GPC5: variants seen among roughly 807,000 people sequenced by gnomAD.
The protein encoded by GPC5 is glypican-5.
Under a neutral mutation model 53.9 loss-of-function variants are expected in GPC5, and 47 were observed. The observed-to-expected ratio is 0.87, with a 90% CI of 0.69 to 1.11. GPC5 has a LOEUF of 1.11. Ranked by LOEUF, GPC5 falls within the 50% of genes most tolerant of loss-of-function variation. The pLI, the probability that GPC5 is intolerant of heterozygous loss-of-function variation, is 0.00. For synonymous variants in GPC5, 286 were observed against 263.3 expected (o/e 1.09, Z -0.84); for missense variants, 748 against 713.1 (o/e 1.05, Z -0.56).
chr13:92,349,780 T>A (rs992059172), intron 7 of GPC5, among the ~76,000 whole-genome samples: 8 of 152,152 alleles, frequency 5.3e-5, no homozygotes, highest in African/African-American at 1.9e-4. Context: ...ACCCAAGACC[T>A]GATGGCTTAT....
chr13:92,500,178 T>A lies in GPC5; in HGVS notation c.1561+355189T>A, dbSNP rs115765706. On this transcript the variant is annotated intron_variant, in intron 7 of 7. Coordinates refer to ENST00000377067, the MANE Select transcript of GPC5 (RefSeq NM_004466.6). ...GCTTGAGAACTGAGAAAATGGTTTG[T>A]TGGAAGCTGTAGGGGTCCGTCCCAC... Among the ~76,000 whole-genome samples the A allele has an allele frequency of 2.9e-3, 444 of 152,226 alleles. 1 individual carries two copies. The highest frequency in any genetic ancestry group is 0.01 in the African/African-American group (431 of 41,554).
chr13:91,925,550 T>C (rs1248573227), intron 6 of GPC5, among the ~76,000 whole-genome samples: 1 of 152,198 alleles, frequency 6.6e-6, no homozygotes, highest in Admixed American at 6.5e-5. Context: ...AGTGAATGTT[T>C]TCTAGAAACA....
At chr13:91,800,518 T>C (rs2038117416) in intron 5 of GPC5, among the ~76,000 whole-genome samples, 1 of 152,140 alleles carries the variant, frequency 6.6e-6, no homozygotes, top group Admixed American at 6.6e-5. Flanking sequence ...TACCCTTCTT[T>C]ATTAACTCAC....
intron 7 of GPC5, among the ~76,000 whole-genome samples, chr13:92,337,085 A>G (rs2043329180): frequency 6.6e-6 from 1 of 152,042 alleles, no homozygotes; most frequent in South Asian, 2.1e-4. Context: ...CCAATTCAAG[A>G]TGAGATTTGG....
chr13:91,934,958 C>G (rs2039856087), intron 6 of GPC5, among the ~76,000 whole-genome samples: 2 of 151,838 alleles, frequency 1.3e-5, no homozygotes, highest in African/African-American at 4.8e-5. Context: ...TGCTCTTTAT[C>G]CAAAATAAAA....
chr13:91,767,232 A>G (rs1471776111), intron 5 of GPC5, among the ~76,000 whole-genome samples: 3 of 152,168 alleles, frequency 2.0e-5, no homozygotes, highest in African/African-American at 7.2e-5. Context: ...TTAAATGGTT[A>G]TTTTGTTGGA....
At chr13:91,639,996 A>C (rs1315747751) in intron 2 of GPC5, among the ~76,000 whole-genome samples, 3 of 152,040 alleles carry the variant, frequency 2.0e-5, no homozygotes, top group Non-Finnish European at 4.4e-5. Flanking sequence ...CTGTGTTGCT[A>C]TATTTTGGTT....
intron 5 of GPC5, among the ~76,000 whole-genome samples, chr13:91,787,222 T>G (rs2037894220): frequency 6.6e-6 from 1 of 152,176 alleles, no homozygotes; most frequent in African/African-American, 2.4e-5. Flanking sequence ...GTTTAGAACA[T>G]CAGATAAATG....
rs1036922465 is a variant in GPC5 at position 91,830,983 on chromosome 13, A to ATT, written c.1280+74564_1280+74565dup. On this transcript the variant is annotated intron_variant, in intron 5 of 7. Coordinates refer to ENST00000377067, the MANE Select transcript of GPC5 (RefSeq NM_004466.6). ...TATCCTATTATATATTATATATCCT[A>ATT]TTATATATATAATATATATATCCTA... Among the ~76,000 whole-genome samples, 31 of 136,034 alleles carry ATT rather than the reference A, an allele frequency of 2.3e-4. 1 individual carries two copies. The Middle Eastern group carries it at 0.022, about 98-fold the overall frequency. The allele number at this position is 136,034 out of a possible 152,430, so 89.2% of individuals were successfully genotyped here. A position where few individuals can be genotyped will look rare whatever the true frequency, so the allele number is the denominator to read the frequency against.
chr13:91,904,351 A>T (rs189884046), intron 5 of GPC5, among the ~76,000 whole-genome samples: 7 of 151,578 alleles, frequency 4.6e-5, no homozygotes, highest in Non-Finnish European at 1.0e-4. Context: ...GTTGAGGAGG[A>T]TTTTGAAGAA....
chr13:91,550,308 A>G (rs1439050759), intron 2 of GPC5, among the ~76,000 whole-genome samples: 1 of 152,112 alleles, frequency 6.6e-6, no homozygotes, highest in Non-Finnish European at 1.5e-5. Context: ...GTATGATACT[A>G]TAATGATGAA....
intron 3 of GPC5, among the ~76,000 whole-genome samples, chr13:91,717,687 G>T (rs1429612739): frequency 1.3e-5 from 2 of 152,084 alleles, no homozygotes; most frequent in Admixed American, 6.5e-5. Context: ...CTCCCGAGTA[G>T]CTGGGACTAC....
At chr13:91,448,966 T>C (rs369729767) in intron 2 of GPC5, 44 bp downstream of exon 2, 7 of 1,590,242 alleles carry the variant, frequency 4.4e-6, no homozygotes, top group African/African-American at 1.4e-5. Context: ...GGCCGTGTTA[T>C]GTAATTTGCC....
intron 6 of GPC5, among the ~76,000 whole-genome samples, chr13:92,115,022 A>AT (rs1278574310): frequency 6.6e-6 from 1 of 152,224 alleles, no homozygotes; most frequent in Admixed American, 6.5e-5. Flanking sequence ...AAGTATATAT[A>AT]TTTTCCACAG....
chr13:92,370,522 A>C (rs990223690), intron 7 of GPC5, among the ~76,000 whole-genome samples: 1 of 107,550 alleles, frequency 9.3e-6, no homozygotes, highest in Non-Finnish European at 2.0e-5. Context: ...CAAAGATACA[A>C]AGAAACAGAA....
chr13:91,518,001 G>T (rs116016043), intron 2 of GPC5, among the ~76,000 whole-genome samples: 9 of 152,086 alleles, frequency 5.9e-5, no homozygotes, highest in Non-Finnish European at 1.2e-4. Context: ...TTGAGATTTC[G>T]GCGAAGACAC....
intron 7 of GPC5, among the ~76,000 whole-genome samples, chr13:92,842,655 G>GT (rs11331842): frequency 0.1 from 14,261 of 140,542 alleles, 918 homozygotes; most frequent in East Asian, 0.28. Flanking sequence ...ATACATAATT[G>GT]TTTTTTTTTT....
chr13:91,463,542 C>T (rs1882060917), intron 2 of GPC5, among the ~76,000 whole-genome samples: 1 of 152,050 alleles, frequency 6.6e-6, no homozygotes, highest in African/African-American at 2.4e-5. Flanking sequence ...ATCACTTTAC[C>T]TAATAATAAG....
intron 7 of GPC5, among the ~76,000 whole-genome samples, chr13:92,480,213 G>A (rs536872195): frequency 6.6e-6 from 1 of 152,162 alleles, no homozygotes; most frequent in Non-Finnish European, 1.5e-5. Flanking sequence ...AACAGTAGCT[G>A]ACTAACATCA....
Sources: allele counts gnomAD v4.1 joint callset (sites outside exome capture counted in the v4.1 genomes callset), GRCh38; gene constraint gnomAD v4.1.1; transcripts MANE v1.5; gene names NCBI Gene and HGNC (gene_info 2026-07-23, HGNC 2026-07-21).